HOGA1: variants seen among roughly 807,000 people sequenced by gnomAD.
HOGA1 encodes 4-hydroxy-2-oxoglutarate aldolase 1, also known as 4-hydroxy-2-oxoglutarate aldolase, mitochondrial.
In HOGA1, 30 loss-of-function variants were observed where a neutral mutation model predicts 34.3. The observed-to-expected ratio is 0.87, with a 90% confidence interval of 0.65 to 1.19. The LOEUF is 1.19. Ranked by LOEUF, HOGA1 falls within the 50% of genes most tolerant of loss-of-function variation. The probability of loss-of-function intolerance (pLI) is 0.00; values close to 1 mark genes in which losing one functional copy is unlikely to be tolerated. For missense variants in HOGA1, 417 were observed against 436.5 expected (o/e 0.96, Z 0.40); for synonymous variants, 161 against 174.0 (o/e 0.93, Z 0.59).
chr10:97,596,706 A>G (rs7923753), intron 1 of HOGA1, among the ~76,000 whole-genome samples: 1 of 126,958 alleles, frequency 7.9e-6, no homozygotes, highest in East Asian at 2.3e-4. Context: ...CAAAATAACT[A>G]CCAAAAAAAA....
At chr10:97,590,572 CTG>C in intron 1 of HOGA1, 3 of 1,606,780 alleles carry the variant, frequency 1.9e-6, no homozygotes, top group Non-Finnish European at 2.6e-6. Flanking sequence ...GACACTAGAT[CTG>C]TGACTTCTTG....
intron 1 of HOGA1, chr10:97,589,731 G>C: frequency 1.6e-6 from 1 of 630,852 alleles, no homozygotes; most frequent in Middle Eastern, 4.4e-4. Flanking sequence ...AGACATCCTT[G>C]GGGAGCCTGC....
chr10:97,593,276 G>A lies in HOGA1; in HGVS notation c.212-5499G>A, dbSNP rs2041042756. 2.0e-5 allele frequency among the ~76,000 whole-genome samples: 3 copies of A among 152,180 alleles called. No individual in the cohort carries two copies. The South Asian group carries it at 6.2e-4, about 32-fold the overall frequency. ...GGGTCATCTGAGATCAGGAGTTTGA[G>A]ACCAGCCTGGCCAACATGGTGAAAT... On this transcript the variant is annotated intron_variant, in intron 1 of 6. Transcript: ENST00000370646.
intron 1 of HOGA1, among the ~76,000 whole-genome samples, chr10:97,588,734 C>T (rs1197837151): frequency 1.3e-5 from 2 of 152,192 alleles, no homozygotes; most frequent in Admixed American, 6.5e-5. Context: ...ATAGAGTGGA[C>T]CATGCTTTCT....
chr10:97,599,489 G>A (rs558267057), intron 3 of HOGA1, 191 bp from the exon 4 acceptor site: 10 of 797,222 alleles, frequency 1.3e-5, no homozygotes, highest in East Asian at 7.3e-5. Flanking sequence ...AACTGTGCGT[G>A]GCATATGGAA....
At chr10:97,602,166 G>A in intron 6 of HOGA1, 176 bp downstream of exon 6, 1 of 1,548,768 alleles carries the variant, frequency 6.5e-7, no homozygotes, top group Non-Finnish European at 8.7e-7. Flanking sequence ...CCTGACTTCG[G>A]ACAAAGTCGA....
At chr10:97,591,686 G>A (rs1252051375) in intron 1 of HOGA1, among the ~76,000 whole-genome samples, 1 of 151,950 alleles carries the variant, frequency 6.6e-6, no homozygotes, top group Non-Finnish European at 1.5e-5. Flanking sequence ...GTGCAGAGGC[G>A]TGATCACGGC....
chr10:97,608,051 T>C (rs1446684275), intron 6 of HOGA1, among the ~76,000 whole-genome samples: 1 of 152,236 alleles, frequency 6.6e-6, no homozygotes, highest in Non-Finnish European at 1.5e-5. Flanking sequence ...GGCTCACACC[T>C]GTAATCCCAG....
At position 97,584,438 on chromosome 10, in the gene HOGA1, A is replaced by G; in HGVS notation, c.-266A>G. On this transcript the variant is annotated 5_prime_UTR_variant, in exon 1 of 7. Transcript: ENST00000370646. ...AGATACTCTTTAGTATTGGGATCCC[A>G]GAAACCAGTCCTATATCTGGCCAGA... 2.3e-6 allele frequency: 1 copy of G among 439,060 alleles called. No homozygotes were observed. Among genetic ancestry groups the G allele is most frequent in the Admixed American group, 3.8e-5 (1 of 26,000 alleles). 27.2% of individuals were successfully genotyped at this position (439,060 alleles called of 1,614,324 possible).
At chr10:97,595,688 C>T (rs978244634) in intron 1 of HOGA1, among the ~76,000 whole-genome samples, 2 of 152,200 alleles carry the variant, frequency 1.3e-5, no homozygotes, top group Non-Finnish European at 2.9e-5. Context: ...GAGTGAGACT[C>T]TGTCTCAAAA....
chr10:97,608,725 G>A (rs1052632652), intron 6 of HOGA1, among the ~76,000 whole-genome samples: 13 of 151,714 alleles, frequency 8.6e-5, no homozygotes, highest in African/African-American at 2.2e-4. Flanking sequence ...GAAATCACTC[G>A]AACTCAGGAG....
chr10:97,607,134 C>T (rs1032940515), intron 6 of HOGA1, among the ~76,000 whole-genome samples: 32 of 149,440 alleles, frequency 2.1e-4, no homozygotes, highest in African/African-American at 7.8e-4. Context: ...GACACCTCTG[C>T]ACTAGGATCT....
rs547692696 is a variant in HOGA1, at chr10:97,598,780, G to A, written c.217G>A (p.Val73Met). 1.1e-5 allele frequency: 18 copies of A among 1,614,200 alleles called. No homozygotes were observed. The highest frequency in any genetic ancestry group is 3.3e-5 in the South Asian group (3 of 91,082). Residue 73 changes from valine to methionine, a missense_variant, in exon 2 of 7, where the codon GTG (valine) becomes ATG (methionine). Transcript: ENST00000370646. ...KLGTFPFRGF[V>M]VQGSNGEFPF... is the part of the protein sequence containing the mutation. ...GTCAGCTGTGTCTCTTGCAGGCTTC[G>A]TGGTCCAGGGCTCCAATGGCGAGTT...
Position 97,584,500 on chromosome 10 carries a change from C to T in HOGA1, c.-204C>T. The T allele has an allele frequency of 1.7e-6, 1 of 574,644 alleles. No homozygotes were observed. Among genetic ancestry groups the T allele is most frequent in the Non-Finnish European group, 3.1e-6 (1 of 324,730 alleles). 35.6% of individuals were successfully genotyped at this position (574,644 alleles called of 1,614,324 possible). A position where few individuals can be genotyped will look rare whatever the true frequency, so the allele number is the denominator to read the frequency against. On this transcript the variant is annotated 5_prime_UTR_variant, in exon 1 of 7. Transcript: ENST00000370646. Reference sequence around the variant, plus strand: ...TTGTGGCATCTCTCTAGCTGCTACCCAGAAGGAACAGGGCCCCCTGGGGCC... The same window carrying T: ...TTGTGGCATCTCTCTAGCTGCTACCTAGAAGGAACAGGGCCCCCTGGGGCC...
At chr10:97,610,668 C>T (rs1315888702) in intron 6 of HOGA1, among the ~76,000 whole-genome samples, 1 of 152,036 alleles carries the variant, frequency 6.6e-6, no homozygotes, top group South Asian at 2.1e-4. Context: ...GGTGTGGTGG[C>T]AGGTGCCTGT....
At chr10:97,590,404 G>A (rs1288764242) in intron 1 of HOGA1, 5 of 1,614,132 alleles carry the variant, frequency 3.1e-6, no homozygotes, top group Non-Finnish European at 4.2e-6. Flanking sequence ...AGGAGCTGAG[G>A]GCCCTCGAGG....
In HOGA1 at chr10:97,584,758, T is replaced by C. The variant is rs1324524629; in HGVS notation, c.55T>C (p.Ser19Pro). The C allele has an allele frequency of 6.2e-7, 1 of 1,613,334 alleles. No homozygotes were observed. The highest frequency in any genetic ancestry group is 8.5e-7 in the Non-Finnish European group (1 of 1,179,636). Reference protein sequence around the residue: ...SVRQGLSRSLSRNVGVWASGE... With the variant: ...SVRQGLSRSLPRNVGVWASGE... ...GAGGCAGGGGCTAAGCAGGAGCTTG[T>C]CCAGGAATGTGGGGGTCTGGGCCTC... The change falls in exon 1 of 7, where the codon TCC (serine) becomes CCC (proline). Residue 19 changes from serine (S) to proline (P), a missense_variant. By Grantham distance (74) the Ser-to-Pro change is moderately conservative (BLOSUM62 -1). Coordinates refer to ENST00000370646, the MANE Select transcript of HOGA1 (RefSeq NM_138413.4).
rs188568380 is a variant in HOGA1 at position 97,598,486 on chromosome 10, G to A, written c.212-289G>A. Among the ~76,000 whole-genome samples, 15 of 152,262 alleles carry A rather than the reference G, an allele frequency of 9.9e-5. No homozygotes were observed. In the East Asian group the frequency reaches 1.3e-3, roughly 14 times the overall value. ...TTTAAGCTTAATTCCATTTCTACAAGGCTTAAAATTGTAATAACCTTATTA... is the reference window on the plus strand; with the variant it reads ...TTTAAGCTTAATTCCATTTCTACAAAGCTTAAAATTGTAATAACCTTATTA... On this transcript the variant is annotated intron_variant, in intron 1 of 6. Transcript: ENST00000370646.
chr10:97,598,225 C>A (rs2041085938), intron 1 of HOGA1, among the ~76,000 whole-genome samples: 1 of 152,172 alleles, frequency 6.6e-6, no homozygotes, highest in South Asian at 2.1e-4. Flanking sequence ...TGGGCTCAAG[C>A]GATCCACCCA....
Sources: allele counts gnomAD v4.1 joint callset (sites outside exome capture counted in the v4.1 genomes callset), GRCh38; gene constraint gnomAD v4.1.1; transcripts MANE v1.5; gene names NCBI Gene and HGNC (gene_info 2026-07-23, HGNC 2026-07-21).